Variants in TRAPPC9 observed in about 807,000 individuals in gnomAD.
The protein encoded by TRAPPC9 is IKK2 binding protein.
Under a neutral mutation model 124.0 loss-of-function variants are expected in TRAPPC9, and 83 were observed. The observed-to-expected ratio is 0.67, with a 90% CI of 0.56 to 0.80. TRAPPC9 has a LOEUF of 0.80. Among genes scored for constraint, TRAPPC9 ranks in the 30% least tolerant of loss-of-function variants. The probability of loss-of-function intolerance (pLI) is 0.00; values close to 1 mark genes in which losing one functional copy is unlikely to be tolerated. For missense variants in TRAPPC9, 1,302 were observed against 1,508.3 expected, an observed-to-expected ratio of 0.86 and a Z score of 2.27; for synonymous variants, 638 against 617.5, an observed-to-expected ratio of 1.03 and a Z score of -0.49.
chr8:139,868,000 T>C (rs1828657851), intron 21 of TRAPPC9, among the ~76,000 whole-genome samples: 1 of 152,228 alleles, frequency 6.6e-6, no homozygotes. Flanking sequence ...GAGAATGTCC[T>C]TGTTCGTAGG....
At chr8:139,970,160 G>A (rs1455194915) in intron 19 of TRAPPC9, among the ~76,000 whole-genome samples, 1 of 152,182 alleles carries the variant, frequency 6.6e-6, no homozygotes, top group African/African-American at 2.4e-5. Flanking sequence ...AGGCTGAAGG[G>A]AAGCACCTCG....
intron 9 of TRAPPC9, among the ~76,000 whole-genome samples, chr8:140,348,103 G>A (rs2067405799): frequency 1.3e-5 from 2 of 152,272 alleles, no homozygotes; most frequent in South Asian, 4.1e-4. Flanking sequence ...GCCATGGCAA[G>A]TGTTTCCCCC....
At chr8:140,297,872 GGTGAGGACT>G (rs1289640311) in intron 11 of TRAPPC9, among the ~76,000 whole-genome samples, 6 of 152,228 alleles carry the variant, frequency 3.9e-5, no homozygotes, top group African/African-American at 1.2e-4. Flanking sequence ...ACCAGCCGAG[GGTGAGGACT>G]GTGAGGTCCA....
At chr8:139,915,129 C>T (rs1322933324) in intron 19 of TRAPPC9, among the ~76,000 whole-genome samples, 3 of 151,442 alleles carry the variant, frequency 2.0e-5, no homozygotes. Context: ...CGGGAATGGC[C>T]TTTTGGGCGG....
rs182287135 is a variant in TRAPPC9, at chr8:139,939,611, T to G, written c.2811-29311A>C. ...GGAAGCACCCCTGTCGTGGGGCTGA[T>G]GTGCATCCTGGCAGCCCCGTGTCCC... On this transcript the variant is annotated intron_variant, in intron 19 of 22. Transcript: ENST00000438773. Among the ~76,000 whole-genome samples, 158 of 152,294 alleles carry G rather than the reference T, an allele frequency of 1.0e-3. 2 individuals carry two copies. The highest frequency in any genetic ancestry group is 6.8e-3 in the Middle Eastern group (2 of 294).
At chr8:140,263,046 G>A (rs528191683) in intron 15 of TRAPPC9, among the ~76,000 whole-genome samples, 40 of 152,278 alleles carry the variant, frequency 2.6e-4, no homozygotes, top group Non-Finnish European at 5.3e-4. Flanking sequence ...CACTCCCCAG[G>A]GCAGAGCCCT....
chr8:140,077,635 T>C (rs1484570418), intron 17 of TRAPPC9, among the ~76,000 whole-genome samples: 2 of 152,092 alleles, frequency 1.3e-5, no homozygotes, highest in Admixed American at 6.5e-5. Flanking sequence ...GTCGATGTGA[T>C]GTGATGGACA....
intron 8 of TRAPPC9, among the ~76,000 whole-genome samples, chr8:140,362,919 T>G (rs746408624): frequency 7.9e-5 from 12 of 152,232 alleles, no homozygotes; most frequent in Non-Finnish European, 1.6e-4. Context: ...AGACCGAGTA[T>G]ACATTTTCTT....
In TRAPPC9 at chr8:140,013,370, G is replaced by A. The variant is rs115327849; in HGVS notation, c.2699+10567C>T. On this transcript the variant is annotated intron_variant, in intron 18 of 22. Transcript: ENST00000438773. ...GGAAAGGAAACTGTACTCCCCAGTC[G>A]TCTAAACAAACAACTCAAATCCCAC... 5.4e-3 allele frequency among the ~76,000 whole-genome samples: 822 copies of A among 152,300 alleles called. 5 individuals are homozygous for A. The highest frequency in any genetic ancestry group is 0.017 in the African/African-American group (699 of 41,554).
intron 17 of TRAPPC9, among the ~76,000 whole-genome samples, chr8:140,191,723 C>G (rs1389889626): frequency 6.6e-6 from 1 of 152,174 alleles, no homozygotes; most frequent in Non-Finnish European, 1.5e-5. Flanking sequence ...TCAGGTATTT[C>G]TTTATCACAA....
At chr8:140,035,232 G>A (rs1840801375) in intron 17 of TRAPPC9, among the ~76,000 whole-genome samples, 1 of 152,334 alleles carries the variant, frequency 6.6e-6, no homozygotes, top group Non-Finnish European at 1.5e-5. Context: ...ATTTAGTTAT[G>A]AGAAACACTC....
chr8:140,422,857 T>C (rs2070270591), intron 5 of TRAPPC9, among the ~76,000 whole-genome samples: 1 of 149,762 alleles, frequency 6.7e-6, no homozygotes, highest in Non-Finnish European at 1.5e-5. Context: ...TCAAAGAAAA[T>C]ATAGAGATGA....
chr8:140,059,807 T>G lies in TRAPPC9; in HGVS notation c.2557-35728A>C, dbSNP rs568453252. The stretch of plus-strand genomic sequence containing the variant: ...GTAACAAAATTTATTCACGTATTCT[T>G]GATAAAAGAGCTGCATTTTCAGCTC... On this transcript the variant is annotated intron_variant, in intron 17 of 22. Coordinates refer to ENST00000438773, the MANE Select transcript of TRAPPC9 (RefSeq NM_001160372.4). 5.9e-5 allele frequency among the ~76,000 whole-genome samples: 9 copies of G among 152,364 alleles called. No homozygotes were observed. In the South Asian group the frequency reaches 1.9e-3, roughly 32 times the overall value.
intron 16 of TRAPPC9, among the ~76,000 whole-genome samples, chr8:140,234,603 C>T (rs929952613): frequency 1.3e-4 from 20 of 152,330 alleles, no homozygotes; most frequent in African/African-American, 4.3e-4. Flanking sequence ...TTTGCTAAAC[C>T]GTGCCCCACT....
chr8:140,112,011 T>C (rs752851445), intron 17 of TRAPPC9, among the ~76,000 whole-genome samples: 1 of 152,284 alleles, frequency 6.6e-6, no homozygotes, highest in Non-Finnish European at 1.5e-5. Context: ...ATTCACAGCT[T>C]TCTCCAGAAA....
At chr8:140,400,922 CTTATTT>C (rs2069243071) in intron 6 of TRAPPC9, among the ~76,000 whole-genome samples, 2 of 152,130 alleles carry the variant, frequency 1.3e-5, no homozygotes, top group African/African-American at 4.8e-5. Flanking sequence ...TACTCCAAAC[CTTATTT>C]TTATTTTTTT....
At chr8:140,085,510 CG>C (rs1042421555) in intron 17 of TRAPPC9, among the ~76,000 whole-genome samples, 1 of 152,170 alleles carries the variant, frequency 6.6e-6, no homozygotes, top group African/African-American at 2.4e-5. Context: ...AAACCTCTCT[CG>C]AATGGAAATG....
intron 21 of TRAPPC9, among the ~76,000 whole-genome samples, chr8:139,872,009 T>C (rs1345240758): frequency 1.3e-5 from 2 of 151,926 alleles, no homozygotes; most frequent in African/African-American, 4.8e-5. Context: ...GGCTGGTAGA[T>C]GGGTTGGTGG....
At chr8:139,763,565 T>G (rs1820376621) in intron 21 of TRAPPC9, among the ~76,000 whole-genome samples, 1 of 152,258 alleles carries the variant, frequency 6.6e-6, no homozygotes, top group South Asian at 2.1e-4. Context: ...GTCTCTTCCT[T>G]CTGGTAGAAG....
Sources: gnomAD v4.1 joint callset for allele counts (sites outside exome capture counted in the v4.1 genomes callset) on GRCh38, gnomAD v4.1.1 for gene constraint, MANE v1.5 for transcripts, NCBI Gene and HGNC (gene_info 2026-07-23, HGNC 2026-07-21) for gene names.